STARD9: variants seen among roughly 807,000 people sequenced by gnomAD.
The protein encoded by STARD9 is stAR-related lipid transfer protein 9.
A neutral mutation model predicts 399.8 loss-of-function variants in STARD9; 346 were observed. The observed-to-expected ratio is 0.87, with a 90% confidence interval of 0.79 to 0.95. The LOEUF (loss-of-function observed/expected upper bound fraction) is 0.95. Among genes scored for constraint, STARD9 ranks in the 40% least tolerant of loss-of-function variants. The pLI is 0.00. For synonymous variants in STARD9, 2,203 were observed against 2,143.5 expected, an observed-to-expected ratio of 1.03 and a Z score of -0.77; for missense variants, 5,832 against 5,667.5, an observed-to-expected ratio of 1.03 and a Z score of -0.93.
At chr15:42,655,017 C>T (rs1271846608) in intron 9 of STARD9, among the ~76,000 whole-genome samples, 1 of 152,234 alleles carries the variant, frequency 6.6e-6, no homozygotes, top group East Asian at 1.9e-4. Context: ...CGCAGTGGCT[C>T]ATGCCTGTAA....
Position 42,684,776 on chromosome 15 carries a change from T to G in STARD9, c.3198T>G (p.Ser1066Arg). 1 of 1,537,232 alleles carries G rather than the reference T, an allele frequency of 6.5e-7. No individual in the cohort carries two copies. Among genetic ancestry groups the G allele is most frequent in the Non-Finnish European group, 8.7e-7 (1 of 1,146,918 alleles). The change falls in exon 23 of 33, where the codon AGT becomes AGG. Residue 1066 changes from serine to arginine, a missense_variant. Physicochemically the swap from Ser to Arg is moderately radical, Grantham distance 110 (BLOSUM62 -1). This residue lies in a region of STARD9 where 5,828 missense variants were observed against 5,651.1 expected (regional missense o/e 1.03). Coordinates refer to ENST00000290607, the MANE Select transcript of STARD9 (RefSeq NM_020759.3). ...AGTCCTCTCACTTGCCTCTTGGCAG[T>G]CCTTTGAAGAGACAACAAAATACAA... ...TKKSSHLPLG[S>R]PLKRQQNTRD...
intron 21 of STARD9, 118 bp downstream of exon 21, chr15:42,681,730 T>G: frequency 1.1e-6 from 1 of 939,524 alleles, no homozygotes; most frequent in Non-Finnish European, 1.5e-6. Flanking sequence ...ATCTTTGGTA[T>G]TAGGTGTTCT....
At chr15:42,645,980 T>C (rs1467264578) in intron 7 of STARD9, among the ~76,000 whole-genome samples, 1 of 151,944 alleles carries the variant, frequency 6.6e-6, no homozygotes, top group Non-Finnish European at 1.5e-5. Context: ...GCCAACGTGG[T>C]GAAACCCCCA....
intron 3 of STARD9, among the ~76,000 whole-genome samples, chr15:42,608,099 T>C (rs2058773866): frequency 6.6e-6 from 1 of 152,172 alleles, no homozygotes; most frequent in Non-Finnish European, 1.5e-5. Flanking sequence ...TCCAGGGATA[T>C]GGGCTAAGGC....
At chr15:42,650,942 A>G in intron 7 of STARD9, 74 bp from the exon 8 acceptor site, 1 of 1,051,884 alleles carries the variant, frequency 9.5e-7, no homozygotes, top group Non-Finnish European at 1.4e-6. Context: ...GGAATGATAA[A>G]GACTTACAAG....
chr15:42,593,768 A>G (rs1251617181), intron 3 of STARD9, among the ~76,000 whole-genome samples: 1 of 134,740 alleles, frequency 7.4e-6, no homozygotes, highest in Non-Finnish European at 1.5e-5. Flanking sequence ...GGTCCACGCC[A>G]TTCTCCTGTC....
At chr15:42,607,052 A>G (rs1003019572) in intron 3 of STARD9, among the ~76,000 whole-genome samples, 17 of 151,552 alleles carry the variant, frequency 1.1e-4, no homozygotes, top group Non-Finnish European at 2.1e-4. Flanking sequence ...GGCTCAAGTG[A>G]TCCTACCACC....
Position 42,684,569 on chromosome 15 carries a change from G to T in STARD9, c.2991G>T (p.Gly997=). 3 of 1,537,184 alleles carry T rather than the reference G, an allele frequency of 2.0e-6. No homozygotes were observed. Among genetic ancestry groups the T allele is most frequent in the Non-Finnish European group, 2.6e-6 (3 of 1,146,914 alleles). The change falls in exon 23 of 33, where the codon GGG becomes GGT. Residue 997 remains glycine, a synonymous_variant. Transcript: ENST00000290607. ...QAGWRKEGNL[G]THKAAKGASC... is the part of the protein sequence containing the mutation. ...GGTGGCGAAAAGAAGGGAACCTTGG[G>T]ACCCACAAGGCTGCTAAGGGAGCCA... is the stretch of plus-strand genomic sequence containing the variant.
intron 3 of STARD9, among the ~76,000 whole-genome samples, chr15:42,618,186 G>A (rs1041651848): frequency 6.6e-6 from 1 of 152,126 alleles, no homozygotes; most frequent in Non-Finnish European, 1.5e-5. Flanking sequence ...AGGCTGGAGT[G>A]CAGTGGTGTG....
chr15:42,694,221 G>C lies in STARD9; in HGVS notation c.12643G>C (p.Ala4215Pro). 1 of 1,535,726 alleles carries C rather than the reference G, an allele frequency of 6.5e-7. No individual in the cohort carries two copies. Among genetic ancestry groups the C allele is most frequent in the Non-Finnish European group, 8.7e-7 (1 of 1,146,148 alleles). The change falls in exon 23 of 33, where the codon GCG (alanine) becomes CCG (proline). Residue 4215 changes from alanine (A) to proline (P), a missense_variant. This residue lies in a region of STARD9 where 5,828 missense variants were observed against 5,651.1 expected (regional missense o/e 1.03). Transcript: ENST00000290607. ...CTCACTCAGCGTGGAACTCACAGAA[G>C]CGAAACTGCACCATGGCTTTGGGGA... ...NLSLSVELTE[A>P]KLHHGFGEAD...
chr15:42,668,657 TG>T (rs1404176250), intron 15 of STARD9, among the ~76,000 whole-genome samples: 1 of 152,170 alleles, frequency 6.6e-6, no homozygotes, highest in Non-Finnish European at 1.5e-5. Context: ...TAGTTCCACC[TG>T]GGGAGATTCC....
Position 42,694,040 on chromosome 15 carries a change from G to A in STARD9, c.12462G>A (p.Gly4154=), listed in dbSNP as rs992150447. The A allele has an allele frequency of 6.5e-7, 1 of 1,535,118 alleles. No individual in the cohort carries two copies. The highest frequency in any genetic ancestry group is 8.7e-7 in the Non-Finnish European group (1 of 1,145,992). ...NWCGVQKGSP[G]GLDMTEEELG... is the part of the protein sequence containing the mutation. The stretch of plus-strand genomic sequence containing the variant: ...GTGGGGTTCAGAAGGGCTCACCTGG[G>A]GGGTTGGACATGACTGAGGAGGAGC... Residue 4154 remains glycine, a synonymous_variant, in exon 23 of 33, where the codon GGG becomes GGA. Transcript: ENST00000290607.
At chr15:42,717,166 C>T (rs1329539897) in intron 28 of STARD9, 118 bp downstream of exon 28, 6 of 1,107,836 alleles carry the variant, frequency 5.4e-6, no homozygotes, top group African/African-American at 1.6e-5. Context: ...TTGTGGGCAT[C>T]TTCAGTGGTT....
At chr15:42,675,024 T>G in intron 18 of STARD9, 60 bp downstream of exon 18, 1 of 1,444,132 alleles carries the variant, frequency 6.9e-7, no homozygotes, top group Non-Finnish European at 9.1e-7. Context: ...TCCAGTTTCA[T>G]GGGCCCAAAG....
chr15:42,712,862 G>T (rs1254283474), intron 26 of STARD9, among the ~76,000 whole-genome samples: 1 of 152,160 alleles, frequency 6.6e-6, no homozygotes, highest in Non-Finnish European at 1.5e-5. Context: ...TAGTTTTGTA[G>T]TACCTTTAGA....
chr15:42,580,722 G>A (rs2058150319), intron 1 of STARD9, among the ~76,000 whole-genome samples: 1 of 152,144 alleles, frequency 6.6e-6, no homozygotes, highest in South Asian at 2.1e-4. Context: ...TGAGGCAGGA[G>A]AATCGCTTGA....
rs551097528 is a variant in STARD9, at chr15:42,708,659, T to G, written c.13285-8018T>G. ...AGTAATTTTTTGGAATGTATTTATC[T>G]GCTGTTTCTTGCTTTTTTTCTTTTT... On this transcript the variant is annotated intron_variant, in intron 26 of 32. Coordinates refer to ENST00000290607, the MANE Select transcript of STARD9 (RefSeq NM_020759.3). 2.0e-5 allele frequency among the ~76,000 whole-genome samples: 3 copies of G among 152,214 alleles called. No homozygotes were observed. The South Asian group carries it at 6.2e-4, about 32-fold the overall frequency.
chr15:42,618,106 A>G (rs931765306), intron 3 of STARD9, among the ~76,000 whole-genome samples: 4 of 151,502 alleles, frequency 2.6e-5, no homozygotes, highest in African/African-American at 9.7e-5. Context: ...GTATACTTTT[A>G]TTATGTATTT....
rs752979023 is a variant in STARD9, at chr15:42,669,290, T to G, written c.1450T>G (p.Leu484Val). 2.0e-6 allele frequency: 3 copies of G among 1,536,770 alleles called. No homozygotes were observed. In the South Asian group the frequency reaches 3.6e-5, roughly 18 times the overall value. The change falls in exon 16 of 33, where the codon TTG becomes GTG. Residue 484 changes from leucine to valine, a missense_variant. Around this residue, in one of 2 missense-constraint regions of STARD9, gnomAD observed 5,828 missense variants for 5,651.1 expected, o/e 1.03. Coordinates refer to ENST00000290607, the MANE Select transcript of STARD9 (RefSeq NM_020759.3). ...CTCCAGCCTGCCACACTTGATGGCC[T>G]TGGAGGATGATGTGCTCAGCACAGG... ...IDSSLPHLMALEDDVLSTGVV... is the reference protein window; with the variant it reads ...IDSSLPHLMAVEDDVLSTGVV...
Sources: allele counts gnomAD v4.1 joint callset (sites outside exome capture counted in the v4.1 genomes callset), GRCh38; gene constraint gnomAD v4.1.1; regional missense constraint gnomAD v4.1.1; transcripts MANE v1.5; gene names NCBI Gene and HGNC (gene_info 2026-07-23, HGNC 2026-07-21).